CACNA1C: variants seen among roughly 807,000 people sequenced by gnomAD.
CACNA1C encodes voltage-dependent L-type calcium channel subunit alpha-1C.
A neutral mutation model predicts 229.0 loss-of-function variants in CACNA1C; 30 were observed. That is an observed-to-expected ratio of 0.13 (90% CI 0.10 to 0.18). CACNA1C has a LOEUF of 0.18. Ranked by LOEUF, CACNA1C falls within the 10% of genes least tolerant of loss-of-function variation. CACNA1C has a pLI of 1.00. For missense variants in CACNA1C, 1,658 were observed against 2,845.0 expected, an observed-to-expected ratio of 0.58 and a Z score of 9.49; for synonymous variants, 1,114 against 1,132.5, an observed-to-expected ratio of 0.98 and a Z score of 0.33.
At chr12:2,191,676 GCA>G (rs1233245942) in intron 3 of CACNA1C, among the ~76,000 whole-genome samples, 1 of 147,210 alleles carries the variant, frequency 6.8e-6, no homozygotes, top group Non-Finnish European at 1.5e-5. Flanking sequence ...ACTCATACAG[GCA>G]CACACGTACA....
At position 2,319,641 on chromosome 12, in the gene CACNA1C, T is replaced by C. The variant is rs1056962432; in HGVS notation, c.478-129335T>C. On this transcript the variant is annotated intron_variant, in intron 3 of 46. Transcript: ENST00000399655. The surrounding 1 kb of genome is among the most constrained non-coding windows in gnomAD (Gnocchi z 4.0). ...CACACCCTCCGGGCAGACCTCATCT[T>C]CTTCAGACATTTCTTTTACTCTTTG... 2.0e-5 allele frequency among the ~76,000 whole-genome samples: 3 copies of C among 152,142 alleles called. No individual in the cohort carries two copies. The highest frequency in any genetic ancestry group is 7.2e-5 in the African/African-American group (3 of 41,420).
chr12:2,018,293 G>A (rs1268093572), intron 1 of CACNA1C: 1 of 152,146 alleles, frequency 6.6e-6, no homozygotes, highest in Non-Finnish European at 1.5e-5. Context: ...AAAGGGAATG[G>A]TAAAATGTGG....
At chr12:2,220,053 C>T (rs2154348928) in intron 3 of CACNA1C, among the ~76,000 whole-genome samples, 1 of 152,354 alleles carries the variant, frequency 6.6e-6, no homozygotes. Flanking sequence ...TTGCATCCTG[C>T]ATCCAGAATC....
At chr12:2,598,085 G>T (rs931189922) in intron 21 of CACNA1C, among the ~76,000 whole-genome samples, 1 of 152,238 alleles carries the variant, frequency 6.6e-6, no homozygotes, top group Non-Finnish European at 1.5e-5. Context: ...AGGGCTTTTA[G>T]CAGGGCCATT....
intron 3 of CACNA1C, among the ~76,000 whole-genome samples, chr12:2,214,717 A>G (rs2059523216): frequency 2.0e-5 from 1 of 51,014 alleles, no homozygotes; most frequent in South Asian, 5.7e-4. Context: ...AGGACCTTGC[A>G]CTCCTTGGAT....
At chr12:2,353,069 G>A (rs2097253459) in intron 3 of CACNA1C, among the ~76,000 whole-genome samples, 1 of 152,214 alleles carries the variant, frequency 6.6e-6, no homozygotes, top group South Asian at 2.1e-4. Flanking sequence ...GCAAGGCAGT[G>A]TTCTGGGTGC....
intron 10 of CACNA1C, among the ~76,000 whole-genome samples, chr12:2,551,781 T>C (rs960429592): frequency 2.0e-5 from 3 of 152,164 alleles, no homozygotes; most frequent in African/African-American, 2.4e-5. Flanking sequence ...GGCATGTTAC[T>C]TCATGGCAGC....
chr12:2,567,534 C>T lies in CACNA1C; in HGVS notation c.1670-35C>T, dbSNP rs763865699. On this transcript the variant is annotated intron_variant, in intron 12 of 46. Transcript: ENST00000399655. ...GCCTCCCTCTCTGCCTCCTCTGGCC[C>T]TGCTCGGATCTCATCCCTCTCCTGG... 9 of 1,387,144 alleles carry T rather than the reference C, an allele frequency of 6.5e-6. No homozygotes were observed. In the African/African-American group the frequency reaches 1.1e-4, roughly 18 times the overall value. The allele number at this position is 1,387,144 out of a possible 1,614,324, so 85.9% of individuals were successfully genotyped here.
intron 18 of CACNA1C, among the ~76,000 whole-genome samples, chr12:2,589,357 G>C (rs569493861): frequency 2.4e-4 from 37 of 152,366 alleles, no homozygotes; most frequent in African/African-American, 8.7e-4. Context: ...GTCAGCAAAG[G>C]CTTCTCTGAG....
chr12:2,357,039 GC>G (rs2097388950), intron 3 of CACNA1C, among the ~76,000 whole-genome samples: 1 of 152,214 alleles, frequency 6.6e-6, no homozygotes, highest in South Asian at 2.1e-4. Flanking sequence ...TGAAACTCAA[GC>G]CTGCTTTGCC....
In CACNA1C at chr12:2,678,887, T is replaced by C. The variant is rs543745617; in HGVS notation, c.5092-557T>C. On this transcript the variant is annotated intron_variant, in intron 41 of 46. Coordinates refer to ENST00000399655, the MANE Select transcript of CACNA1C (RefSeq NM_000719.7). This position sits in a 1 kb window ranked among gnomAD's most constrained non-coding sequence, Gnocchi z 4.1. ...AATACTGGGGAAAAACATTGGCTCC[T>C]GGTTTTAAATCTCTCTGAGTCCCCG... Among the ~76,000 whole-genome samples, 1 of 152,356 alleles carries C rather than the reference T, an allele frequency of 6.6e-6. No homozygotes were observed. The highest frequency in any genetic ancestry group is 2.4e-5 in the African/African-American group (1 of 41,596).
intron 5 of CACNA1C, among the ~76,000 whole-genome samples, chr12:2,484,780 C>G (rs1434394924): frequency 6.6e-6 from 1 of 150,488 alleles, no homozygotes; most frequent in African/African-American, 2.4e-5. Context: ...CTGCATACTC[C>G]AACACTAATG....
At chr12:2,556,445 A>T (rs548365535) in intron 10 of CACNA1C, among the ~76,000 whole-genome samples, 18 of 152,282 alleles carry the variant, frequency 1.2e-4, no homozygotes, top group Admixed American at 1.2e-3. Flanking sequence ...CCTCCTCTGC[A>T]GCTCTTGGGT....
At chr12:2,447,423 C>T (rs368631579) in intron 3 of CACNA1C, among the ~76,000 whole-genome samples, 12 of 152,336 alleles carry the variant, frequency 7.9e-5, no homozygotes, top group East Asian at 5.8e-4. Flanking sequence ...TTCATCCACA[C>T]GTGAGCTGGT....
At chr12:2,417,539 G>A (rs552542410) in intron 3 of CACNA1C, among the ~76,000 whole-genome samples, 10 of 152,272 alleles carry the variant, frequency 6.6e-5, no homozygotes, top group South Asian at 4.1e-4. Flanking sequence ...CTGGCCTGTC[G>A]GATCAAGGGG....
At chr12:2,188,187 C>A (rs11062145) in intron 3 of CACNA1C, among the ~76,000 whole-genome samples, 1 of 152,074 alleles carries the variant, frequency 6.6e-6, no homozygotes. Context: ...AGATAGTTGG[C>A]AACTCTGCCT....
In CACNA1C at chr12:2,413,837, C is replaced by T. The variant is rs144317663; in HGVS notation, c.478-35139C>T. On this transcript the variant is annotated intron_variant, in intron 3 of 46. Transcript: ENST00000399655. Reference sequence around the variant, plus strand: ...TTTAAGGCCCAGCTCAAATGCCTCCCGTTCCTGAGCTAGAGGTGAGCTTCC... The same window carrying T: ...TTTAAGGCCCAGCTCAAATGCCTCCTGTTCCTGAGCTAGAGGTGAGCTTCC... Among the ~76,000 whole-genome samples, 114 of 152,326 alleles carry T rather than the reference C, an allele frequency of 7.5e-4. 2 individuals are homozygous for T. In the East Asian group the frequency reaches 0.018, roughly 24 times the overall value.
intron 3 of CACNA1C, among the ~76,000 whole-genome samples, chr12:2,304,809 G>T (rs966199158): frequency 2.6e-5 from 4 of 152,066 alleles, no homozygotes; most frequent in African/African-American, 9.7e-5. Flanking sequence ...CTAAGGTGAG[G>T]TTTGCTGGGC....
chr12:2,192,135 T>G (rs1181160475), intron 3 of CACNA1C, among the ~76,000 whole-genome samples: 1 of 152,116 alleles, frequency 6.6e-6, no homozygotes, highest in African/African-American at 2.4e-5. Flanking sequence ...CTCTCACGGT[T>G]TTTGGTTCAG....
Sources: gnomAD v4.1 joint callset for allele counts (sites outside exome capture counted in the v4.1 genomes callset) on GRCh38, gnomAD v4.1.1 for gene constraint, Gnocchi (gnomAD v3.1) non-coding constraint, MANE v1.5 for transcripts, NCBI Gene and HGNC (gene_info 2026-07-23, HGNC 2026-07-21) for gene names.